Variants in EYS observed in about 807,000 individuals in gnomAD.
The protein encoded by EYS is protein eyes shut homolog.
EYS carries 250 observed loss-of-function variants against 282.1 expected under a neutral mutation model. The ratio of observed to expected loss-of-function variants is 0.89; its 90% CI spans 0.80 to 0.98. The LOEUF is 0.98. Ranked by LOEUF, EYS falls within the 50% of genes least tolerant of loss-of-function variation. The probability of loss-of-function intolerance (pLI) is 0.00; values close to 1 mark genes in which losing one functional copy is unlikely to be tolerated. For synonymous variants in EYS, 1,355 were observed against 1,282.9 expected, an observed-to-expected ratio of 1.06 and a Z score of -1.20; for missense variants, 4,016 against 3,709.0, an observed-to-expected ratio of 1.08 and a Z score of -2.15.
At chr6:65,088,921 C>T (rs527934932) in intron 12 of EYS, among the ~76,000 whole-genome samples, 129 of 152,216 alleles carry the variant, frequency 8.5e-4, no homozygotes, top group African/African-American at 2.8e-3. Context: ...AGGTACATCT[C>T]GTGACATTGC....
chr6:65,351,401 A>G (rs1406913656), intron 9 of EYS, among the ~76,000 whole-genome samples: 1 of 151,806 alleles, frequency 6.6e-6, no homozygotes, highest in African/African-American at 2.4e-5. Flanking sequence ...TAAGTTTTCC[A>G]TGAGTAATTT....
chr6:65,318,548 T>A (rs1166923930), intron 11 of EYS, among the ~76,000 whole-genome samples: 68 of 146,782 alleles, frequency 4.6e-4, no homozygotes, highest in Admixed American at 1.8e-3. Context: ...ATATATATAT[T>A]ATATATATTT....
chr6:63,787,023 G>A (rs978423826), intron 39 of EYS: 2 of 152,062 alleles, frequency 1.3e-5, no homozygotes, highest in South Asian at 2.1e-4. Context: ...AGAGAAGAAT[G>A]ATAAAATTAG....
rs190910816 is a variant in EYS, at chr6:63,929,814, G to C, written c.7055+54569C>G. On this transcript the variant is annotated intron_variant, in intron 35 of 42. Coordinates refer to ENST00000503581, the MANE Select transcript of EYS (RefSeq NM_001142800.2). ...TGCCATTCTGTTCTTTCCTCTCACT[G>C]TATGATTTTACTTTTTCTTGATCAA... 5.3e-5 allele frequency among the ~76,000 whole-genome samples: 8 copies of C among 152,126 alleles called. No individual in the cohort carries two copies. In the East Asian group the frequency reaches 1.4e-3, roughly 26 times the overall value.
At chr6:63,958,643 A>C (rs1765922489) in intron 35 of EYS, among the ~76,000 whole-genome samples, 1 of 152,234 alleles carries the variant, frequency 6.6e-6, no homozygotes, top group South Asian at 2.1e-4. Flanking sequence ...GGACTTTCAT[A>C]GGTAGAGAAG....
intron 2 of EYS, among the ~76,000 whole-genome samples, chr6:65,563,080 C>T (rs1402371498): frequency 2.6e-5 from 4 of 152,072 alleles, no homozygotes; most frequent in Non-Finnish European, 5.9e-5. Flanking sequence ...CATCCAACTG[C>T]TTCTTTTTAC....
intron 26 of EYS, among the ~76,000 whole-genome samples, chr6:64,448,024 C>T (rs1395668290): frequency 6.6e-6 from 1 of 152,198 alleles, no homozygotes; most frequent in African/African-American, 2.4e-5. Flanking sequence ...ACAGTGGGTG[C>T]AGTGCACCGT....
chr6:64,984,235 C>T (rs1050978452), intron 14 of EYS, among the ~76,000 whole-genome samples: 1 of 151,280 alleles, frequency 6.6e-6, no homozygotes, highest in Non-Finnish European at 1.5e-5. Context: ...CCCTTCCAAT[C>T]ATGTAGAAGC....
chr6:64,220,771 T>A (rs905650239), intron 31 of EYS, among the ~76,000 whole-genome samples: 1 of 152,162 alleles, frequency 6.6e-6, no homozygotes, highest in Non-Finnish European at 1.5e-5. Flanking sequence ...ATAATAAGTT[T>A]GAATCTAACG....
chr6:64,286,446 A>G (rs1266674164), intron 30 of EYS, among the ~76,000 whole-genome samples: 1 of 152,234 alleles, frequency 6.6e-6, no homozygotes, highest in Non-Finnish European at 1.5e-5. Flanking sequence ...AAATATAAAT[A>G]TACTATACAT....
At chr6:64,690,984 T>TAAATAATAA (rs1454953409) in intron 22 of EYS, among the ~76,000 whole-genome samples, 2 of 151,666 alleles carry the variant, frequency 1.3e-5, no homozygotes, top group East Asian at 3.9e-4. Flanking sequence ...ATAATAATAA[T>TAAATAATAA]AAATAATAAA....
intron 34 of EYS, among the ~76,000 whole-genome samples, chr6:63,990,388 A>G: frequency 6.6e-6 from 1 of 151,636 alleles, no homozygotes; most frequent in African/African-American, 2.4e-5. Context: ...GCATTCATTC[A>G]TTATAGGTCC....
chr6:64,419,047 A>G (rs760418345), intron 28 of EYS, among the ~76,000 whole-genome samples: 3 of 152,334 alleles, frequency 2.0e-5, no homozygotes, highest in Middle Eastern at 3.4e-3. Context: ...GACTCTGACT[A>G]CAATTTAAAT....
intron 24 of EYS, among the ~76,000 whole-genome samples, chr6:64,609,470 A>AT (rs1767039850): frequency 6.6e-6 from 1 of 152,206 alleles, no homozygotes; most frequent in African/African-American, 2.4e-5. Context: ...GGAGGAAGTG[A>AT]GGCTAGAGAA....
At chr6:64,343,065 A>C (rs1451872522) in intron 29 of EYS, among the ~76,000 whole-genome samples, 4 of 152,150 alleles carry the variant, frequency 2.6e-5, no homozygotes, top group Non-Finnish European at 4.4e-5. Flanking sequence ...GCAAGTACTT[A>C]GTTACCTACA....
At chr6:64,415,823 C>A (rs1362385770) in intron 28 of EYS, among the ~76,000 whole-genome samples, 1 of 152,254 alleles carries the variant, frequency 6.6e-6, no homozygotes, top group South Asian at 2.1e-4. Context: ...AAGCCTCAGA[C>A]AAATGGTAAG....
At chr6:64,623,876 T>A (rs1288056616) in intron 23 of EYS, among the ~76,000 whole-genome samples, 3 of 152,068 alleles carry the variant, frequency 2.0e-5, no homozygotes, top group Admixed American at 2.0e-4. Context: ...ACTATGCCCA[T>A]TAAGAAAATG....
intron 2 of EYS, among the ~76,000 whole-genome samples, chr6:65,497,566 A>G (rs1427234171): frequency 6.6e-6 from 1 of 152,020 alleles, no homozygotes; most frequent in Non-Finnish European, 1.5e-5. Flanking sequence ...CCATTTAGGA[A>G]GAGATTATAT....
chr6:65,248,694 A>G lies in EYS; in HGVS notation c.2023+47169T>C, dbSNP rs1158435651. Among the ~76,000 whole-genome samples, 3 of 152,116 alleles carry G rather than the reference A, an allele frequency of 2.0e-5. No individual in the cohort carries two copies. The East Asian group carries it at 5.8e-4, about 29-fold the overall frequency. On this transcript the variant is annotated intron_variant, in intron 12 of 42. Coordinates refer to ENST00000503581, the MANE Select transcript of EYS (RefSeq NM_001142800.2). ...TGTAAATAATATCTCCTAGCTGTCT[A>G]TCAGTCCACAAATTAGGGTGACGTA...
Sources: gnomAD v4.1 joint callset for allele counts (sites outside exome capture counted in the v4.1 genomes callset) on GRCh38, gnomAD v4.1.1 for gene constraint, MANE v1.5 for transcripts, NCBI Gene and HGNC (gene_info 2026-07-23, HGNC 2026-07-21) for gene names.